The following MCOLN3 variants were observed in gnomAD, a reference collection of about 807,000 sequenced individuals.
MCOLN3 encodes mucolipin-3.
A neutral mutation model predicts 69.4 loss-of-function variants in MCOLN3; 62 were observed. The ratio of observed to expected loss-of-function variants is 0.89; its 90% CI spans 0.73 to 1.10. The LOEUF is 1.10. Ranked by LOEUF, MCOLN3 falls within the 50% of genes least tolerant of loss-of-function variation. The probability of loss-of-function intolerance (pLI) is 0.00; values close to 1 mark genes in which losing one functional copy is unlikely to be tolerated. For synonymous variants in MCOLN3, 183 were observed against 217.0 expected, an observed-to-expected ratio of 0.84 and a Z score of 1.38; for missense variants, 564 against 656.4, an observed-to-expected ratio of 0.86 and a Z score of 1.54.
At chr1:85,022,525 GTCTCTGC>G in intron 9 of MCOLN3, 125 bp from the exon 10 acceptor site, 1 of 620,130 alleles carries the variant, frequency 1.6e-6, no homozygotes, top group Non-Finnish European at 2.8e-6. Flanking sequence ...ACAAACAAAA[GTCTCTGC>G]TCTCATAAAG....
At position 85,022,179 on chromosome 1, in the gene MCOLN3, G is replaced by T; in HGVS notation, c.1211C>A (p.Thr404Asn). Residue 404 changes from threonine to asparagine, a missense_variant, in exon 11 of 13, where the codon ACC becomes AAC. Thr to Asn is a moderately conservative substitution (Grantham distance 65). Coordinates refer to ENST00000370589, the MANE Select transcript of MCOLN3 (RefSeq NM_018298.11). The part of the protein sequence containing the change: ...FFAKYNLLIL[T>N]LQAALPNVIR... ...GACATTGGGCAGCGCTGCCTGAAGG[G>T]TCAAAATGAGGAGCTGGGAAAGTAA... The T allele has an allele frequency of 6.2e-7, 1 of 1,614,062 alleles. No individual in the cohort carries two copies.
chr1:85,022,463 T>G (rs1419465169), intron 9 of MCOLN3, 63 bp from the exon 10 acceptor site: 1 of 1,209,970 alleles, frequency 8.3e-7, no homozygotes, highest in Non-Finnish European at 1.2e-6. Context: ...CAATAAATAT[T>G]GAGGTAAGTA....
At chr1:85,041,274 T>A in intron 2 of MCOLN3, 97 bp from the exon 3 acceptor site, 1 of 957,398 alleles carries the variant, frequency 1.0e-6, no homozygotes, top group Non-Finnish European at 1.5e-6. Flanking sequence ...TAGAAGAGTT[T>A]AAAATGAATT....
chr1:85,023,701 G>C (rs1294508605), intron 9 of MCOLN3, among the ~76,000 whole-genome samples: 2 of 152,164 alleles, frequency 1.3e-5, no homozygotes, highest in Admixed American at 1.3e-4. Flanking sequence ...TTGGCATATA[G>C]ATACTAAGCT....
At chr1:85,030,994 C>G (rs565951520) in intron 6 of MCOLN3, among the ~76,000 whole-genome samples, 1 of 151,982 alleles carries the variant, frequency 6.6e-6, no homozygotes, top group Admixed American at 6.6e-5. Flanking sequence ...CAGTGAGGGC[C>G]GGGCACGGTG....
rs1652196426 is a variant in MCOLN3 at position 85,026,023 on chromosome 1, A to T, written c.1011T>A (p.Phe337Leu). The change falls in exon 9 of 13, where the codon TTT becomes TTA. Residue 337 changes from phenylalanine to leucine, a missense_variant. By Grantham distance (22) the Phe-to-Leu change is conservative (BLOSUM62 0). Coordinates refer to ENST00000370589, the MANE Select transcript of MCOLN3 (RefSeq NM_018298.11). ...TAATCATAATGTACCATCCATTGAC[A>T]AATTCCATTTGATCAGAAACAGAAA... ...KEVSVSDQMEFVNGWYIMIII... is the reference protein window; with the variant it reads ...KEVSVSDQMELVNGWYIMIII... The T allele has an allele frequency of 1.9e-6, 3 of 1,600,788 alleles. No individual in the cohort carries two copies. The East Asian group carries it at 6.7e-5, about 36-fold the overall frequency.
chr1:85,035,867 C>A (rs186281682), intron 3 of MCOLN3, among the ~76,000 whole-genome samples: 1 of 152,248 alleles, frequency 6.6e-6, no homozygotes, highest in East Asian at 1.9e-4. Context: ...CCAAAATACA[C>A]CTGCTCAAGA....
chr1:85,026,077 A>G lies in MCOLN3; in HGVS notation c.957T>C (p.Asn319=). 6.2e-7 allele frequency: 1 copy of G among 1,602,690 alleles called. No individual in the cohort carries two copies. The highest frequency in any genetic ancestry group is 8.5e-7 in the Non-Finnish European group (1 of 1,174,570). ...RGLQLQQEFV[N]FFLLHYKKEV... ...CCTTCTTATAATGGAGGAGGAAAAA[A>G]TTGACAAACTCCTTTAGGGAAAAGA... The change falls in exon 9 of 13, where the codon AAT becomes AAC. Residue 319 remains asparagine (N), a synonymous_variant. Transcript: ENST00000370589.
intron 3 of MCOLN3, chr1:85,037,002 A>T (rs149916658): frequency 6.6e-6 from 1 of 152,266 alleles, no homozygotes; most frequent in East Asian, 1.9e-4. Flanking sequence ...GTGCTCAAAT[A>T]TTTGTCAGAT....
chr1:85,025,938 C>T lies in MCOLN3; in HGVS notation c.1095+1G>A, dbSNP rs745711354. The T allele has an allele frequency of 6.3e-7, 1 of 1,592,726 alleles. No homozygotes were observed. ...AATAGCATGATTAGGAAAAAAATTACCTTAGCTTGGATTTCCATTTTTAGA... is the reference window on the plus strand; with the variant it reads ...AATAGCATGATTAGGAAAAAAATTATCTTAGCTTGGATTTCCATTTTTAGA... On this transcript the variant is annotated splice_donor_variant, in intron 9 of 12. Transcript: ENST00000370589. LOFTEE classifies it high-confidence loss of function.
At chr1:85,037,417 G>A (rs1652851529) in intron 3 of MCOLN3, among the ~76,000 whole-genome samples, 1 of 152,166 alleles carries the variant, frequency 6.6e-6, no homozygotes, top group Non-Finnish European at 1.5e-5. Flanking sequence ...AGGTGTAATT[G>A]TGGGGCAGTC....
chr1:85,039,950 CA>C (rs4001173), intron 3 of MCOLN3, among the ~76,000 whole-genome samples: 5 of 145,620 alleles, frequency 3.4e-5, no homozygotes, highest in Admixed American at 6.9e-5. Context: ...GATCCTGTCT[CA>C]AAAAAAAAAA....
Position 85,045,351 on chromosome 1 carries a change from G to A in MCOLN3, c.10C>T (p.Pro4Ser). Residue 4 changes from proline (P) to serine (S), a missense_variant, in exon 2 of 13, where the codon CCT becomes TCT. By Grantham distance (74) the Pro-to-Ser change is moderately conservative (BLOSUM62 -1). Transcript: ENST00000370589. MAD[P>S]EVVVSSCSSH... ...CTGCAGCTACTCACAACTACCTCAGGATCTGCCATCTCTAGAGGAAAAAAA... is the reference window on the plus strand; with the variant it reads ...CTGCAGCTACTCACAACTACCTCAGAATCTGCCATCTCTAGAGGAAAAAAA... 1.2e-6 allele frequency: 2 copies of A among 1,612,246 alleles called. No homozygotes were observed. Among genetic ancestry groups the A allele is most frequent in the Non-Finnish European group, 1.7e-6 (2 of 1,179,200 alleles).
At position 85,032,203 on chromosome 1, in the gene MCOLN3, C is replaced by T. The variant is rs772512198; in HGVS notation, c.732+493G>A. Among the ~76,000 whole-genome samples the T allele has an allele frequency of 7.9e-5, 12 of 152,116 alleles. 1 individual carries two copies. The highest frequency in any genetic ancestry group is 2.2e-4 in the African/African-American group (9 of 41,402). ...GATGGGAGAAATGGAAGTACATTGT[C>T]GTAAGGTTCTTACACTGTGTGCAGT... On this transcript the variant is annotated intron_variant, in intron 6 of 12. Transcript: ENST00000370589.
rs1651976067 is a variant in MCOLN3, at chr1:85,022,201, G to A, written c.1198-9C>T. 1.2e-6 allele frequency: 2 copies of A among 1,613,990 alleles called. No homozygotes were observed. Among genetic ancestry groups the A allele is most frequent in the African/African-American group, 2.7e-5 (2 of 75,034 alleles). Reference sequence around the variant, plus strand: ...AGGGTCAAAATGAGGAGCTGGGAAAGTAAGAGAGGCCATTAGAATGGTTTT... The same window carrying A: ...AGGGTCAAAATGAGGAGCTGGGAAAATAAGAGAGGCCATTAGAATGGTTTT... On this transcript the variant is annotated splice_polypyrimidine_tract_variant and intron_variant, in intron 10 of 12. Coordinates refer to ENST00000370589, the MANE Select transcript of MCOLN3 (RefSeq NM_018298.11).
chr1:85,022,851 T>C (rs1024347318), intron 9 of MCOLN3: 5 of 166,384 alleles, frequency 3.0e-5, no homozygotes, highest in African/African-American at 1.2e-4. Context: ...ATAGAAAGGG[T>C]ATACAGTTAT....
At chr1:85,044,617 G>T (rs1290307312) in intron 2 of MCOLN3, among the ~76,000 whole-genome samples, 1 of 152,158 alleles carries the variant, frequency 6.6e-6, no homozygotes, top group Non-Finnish European at 1.5e-5. Flanking sequence ...CTAAAAAGAG[G>T]TCCTGTGTTT....
intron 6 of MCOLN3, 114 bp downstream of exon 6, chr1:85,032,582 A>T: frequency 1.2e-6 from 1 of 805,720 alleles, no homozygotes; most frequent in Non-Finnish European, 2.1e-6. Flanking sequence ...ATGCACATTC[A>T]AGTGAAAACA....
chr1:85,040,937 C>G, intron 3 of MCOLN3, 73 bp downstream of exon 3: 11 of 1,443,964 alleles, frequency 7.6e-6, no homozygotes, highest in Non-Finnish European at 1.0e-5. Context: ...ATGTCAGTTT[C>G]TATTATGTAC....
Sources: gnomAD v4.1 joint callset for allele counts (sites outside exome capture counted in the v4.1 genomes callset) on GRCh38, gnomAD v4.1.1 for gene constraint, MANE v1.5 for transcripts, NCBI Gene and HGNC (gene_info 2026-07-23, HGNC 2026-07-21) for gene names.